The following ZNF730 variants were observed in gnomAD, a reference collection of about 807,000 sequenced individuals.
ZNF730 encodes the protein putative zinc finger protein 730.
A neutral mutation model predicts 12.6 loss-of-function variants in ZNF730; 12 were observed. That is an observed-to-expected ratio of 0.95 (90% CI 0.61 to 1.54). The LOEUF is 1.54. Among genes scored for constraint, ZNF730 ranks in the 40% most tolerant of loss-of-function variants. The pLI is 0.00. For synonymous variants in ZNF730, 194 were observed against 195.8 expected (o/e 0.99, Z 0.08); for missense variants, 643 against 583.5 (o/e 1.10, Z -1.05).
At chr19:23,121,327 T>C (rs2145608180) in intron 1 of ZNF730, among the ~76,000 whole-genome samples, 1 of 140,382 alleles carries the variant, frequency 7.1e-6, no homozygotes, top group East Asian at 2.0e-4. Flanking sequence ...TTCATAGTTC[T>C]CTAAGAACTT....
chr19:23,139,341 A>G (rs1449396102), intron 3 of ZNF730, among the ~76,000 whole-genome samples: 1 of 152,014 alleles, frequency 6.6e-6, no homozygotes, highest in African/African-American at 2.4e-5. Flanking sequence ...CTTAAAAATT[A>G]TTTTTAGTTT....
intron 1 of ZNF730, among the ~76,000 whole-genome samples, chr19:23,091,302 G>A (rs1970156181): frequency 6.6e-6 from 1 of 152,212 alleles, no homozygotes; most frequent in Non-Finnish European, 1.5e-5. Context: ...TGCTGCAGGG[G>A]TGGAGCCCTC....
chr19:23,096,202 G>T (rs188772721), intron 1 of ZNF730, among the ~76,000 whole-genome samples: 3 of 152,088 alleles, frequency 2.0e-5, no homozygotes. Context: ...TCAAGGTACC[G>T]TGACATTGCT....
intron 1 of ZNF730, chr19:23,127,284 G>T: frequency 1.5e-6 from 1 of 668,864 alleles, no homozygotes; most frequent in South Asian, 1.6e-5. Flanking sequence ...CTCAAATCTT[G>T]ATTATATTCC....
At chr19:23,143,231 C>A (rs1405401189) in intron 3 of ZNF730, among the ~76,000 whole-genome samples, 1 of 151,144 alleles carries the variant, frequency 6.6e-6, no homozygotes, top group Non-Finnish European at 1.5e-5. Flanking sequence ...GGGGACAGAG[C>A]GAGACTCCGT....
intron 1 of ZNF730, among the ~76,000 whole-genome samples, chr19:23,083,087 A>C (rs1186926425): frequency 1.3e-5 from 2 of 152,072 alleles, no homozygotes; most frequent in East Asian, 3.8e-4. Flanking sequence ...AAACACGGGA[A>C]TGCAGATATC....
chr19:23,097,703 C>G (rs1423490859), intron 1 of ZNF730, among the ~76,000 whole-genome samples: 1 of 152,104 alleles, frequency 6.6e-6, no homozygotes, highest in East Asian at 1.9e-4. Context: ...TTATGTGACT[C>G]TCTTCTTTTG....
intron 1 of ZNF730, among the ~76,000 whole-genome samples, chr19:23,111,620 A>G (rs1970461362): frequency 6.6e-6 from 1 of 152,000 alleles, no homozygotes; most frequent in Admixed American, 6.6e-5. Context: ...ATGGTGGTGC[A>G]TGCCTGTAGT....
In ZNF730 at chr19:23,117,194, A is replaced by G. The variant is rs767184988; in HGVS notation, c.3+18A>G. On this transcript the variant is annotated intron_variant, in intron 1 of 3. Coordinates refer to ENST00000597761, the MANE Select transcript of ZNF730 (RefSeq NM_001277403.2). ...TAGAAATGGTGAGAGTGCCGGTCCG[A>G]CATCCCGAGAGAGGGAACGGGGCTG... 6.2e-7 allele frequency: 1 copy of G among 1,613,916 alleles called. No individual in the cohort carries two copies. The highest frequency in any genetic ancestry group is 1.7e-5 in the Admixed American group (1 of 60,008).
chr19:23,145,155 C>A, intron 3 of ZNF730, 116 bp from the exon 4 acceptor site: 1 of 672,516 alleles, frequency 1.5e-6, no homozygotes. Flanking sequence ...GAAATTAGGG[C>A]CTGTGGTATT....
chr19:23,103,467 CAAAAT>C (rs1599580273), intron 1 of ZNF730, among the ~76,000 whole-genome samples: 2 of 152,086 alleles, frequency 1.3e-5, no homozygotes, highest in African/African-American at 4.8e-5. Flanking sequence ...GTCATTGTAA[CAAAAT>C]AAATAATTTA....
intron 1 of ZNF730, among the ~76,000 whole-genome samples, chr19:23,107,915 A>AT (rs1046808578): frequency 6.6e-6 from 1 of 151,898 alleles, no homozygotes. Flanking sequence ...AGAGAATGCA[A>AT]TTTTTTTGTT....
upstream of ZNF730, among the ~76,000 whole-genome samples, chr19:23,113,592 C>T (rs1249936435): frequency 6.6e-6 from 1 of 152,164 alleles, no homozygotes; most frequent in African/African-American, 2.4e-5. Flanking sequence ...TGAGCTTGTG[C>T]ACTAGGTCCA....
intron 1 of ZNF730, among the ~76,000 whole-genome samples, chr19:23,097,758 C>T (rs1970276928): frequency 6.6e-6 from 1 of 152,118 alleles, no homozygotes; most frequent in South Asian, 2.1e-4. Context: ...TAGTTTTACC[C>T]AGCCCCTAGG....
At chr19:23,126,593 C>T (rs1390605358) in intron 1 of ZNF730, 1 of 475,842 alleles carries the variant, frequency 2.1e-6, no homozygotes, top group African/African-American at 2.0e-5. Flanking sequence ...TTAGCACTGC[C>T]AGGCAGTTTG....
intron 1 of ZNF730, among the ~76,000 whole-genome samples, chr19:23,111,538 G>C (rs2145574464): frequency 6.6e-6 from 1 of 152,198 alleles, no homozygotes; most frequent in South Asian, 2.1e-4. Flanking sequence ...CTTGAGGTCA[G>C]GAGTTCAAGA....
At chr19:23,099,902 T>G (rs888787083) in intron 1 of ZNF730, 16 of 152,178 alleles carry the variant, frequency 1.1e-4, no homozygotes, top group African/African-American at 3.9e-4. Context: ...TGCCTTGATA[T>G]AGCCCACAGG....
chr19:23,121,822 G>A (rs976933756), intron 1 of ZNF730, among the ~76,000 whole-genome samples: 1 of 152,126 alleles, frequency 6.6e-6, no homozygotes, highest in Non-Finnish European at 1.5e-5. Context: ...AGACTTGGCT[G>A]TTGTAGAAAA....
intron 3 of ZNF730, among the ~76,000 whole-genome samples, chr19:23,140,941 G>A (rs1333310615): frequency 6.6e-6 from 1 of 151,966 alleles, no homozygotes; most frequent in African/African-American, 2.4e-5. Flanking sequence ...GACAGAGCGA[G>A]ATTCTGTCTC....
Sources: gnomAD v4.1 joint callset for allele counts (sites outside exome capture counted in the v4.1 genomes callset) on GRCh38, gnomAD v4.1.1 for gene constraint, MANE v1.5 for transcripts, NCBI Gene and HGNC (gene_info 2026-07-23, HGNC 2026-07-21) for gene names.